The following NAPG variants were observed in gnomAD, a reference collection of about 807,000 sequenced individuals.
The protein encoded by NAPG is NSF attachment protein gamma, also known as gamma-soluble NSF attachment protein.
Under a neutral mutation model 48.4 loss-of-function variants are expected in NAPG, and 25 were observed. That is an observed-to-expected ratio of 0.52 (90% CI 0.38 to 0.72). The LOEUF (loss-of-function observed/expected upper bound fraction) is 0.72. NAPG is among the 30% of genes least tolerant of loss of function. NAPG has a pLI of 0.00. For missense variants in NAPG, 359 were observed against 372.5 expected (o/e 0.96, Z 0.30); for synonymous variants, 139 against 127.2 (o/e 1.09, Z -0.62).
chr18:10,530,057 A>G (rs1396079768), intron 1 of NAPG, among the ~76,000 whole-genome samples: 1 of 152,204 alleles, frequency 6.6e-6, no homozygotes, highest in Non-Finnish European at 1.5e-5. Context: ...TAAGTTAAGG[A>G]TTCAAAATTG....
At position 10,534,115 on chromosome 18, in the gene NAPG, C is replaced by G. The variant is rs2031984300; in HGVS notation, c.228-351C>G. ...TGAGCTGAGATCGTGCCTCTGCTCTCCAGCCTGGGCGACACAGCAAGGCTC... is the reference window on the plus strand; with the variant it reads ...TGAGCTGAGATCGTGCCTCTGCTCTGCAGCCTGGGCGACACAGCAAGGCTC... On this transcript the variant is annotated intron_variant, in intron 4 of 11. Transcript: ENST00000322897. This position sits in a 1 kb window ranked among gnomAD's most constrained non-coding sequence, Gnocchi z 5.0. Among the ~76,000 whole-genome samples, 1 of 152,148 alleles carries G rather than the reference C, an allele frequency of 6.6e-6. No individual in the cohort carries two copies. The highest frequency in any genetic ancestry group is 1.5e-5 in the Non-Finnish European group (1 of 68,026).
Position 10,548,456 on chromosome 18 carries a change from A to G in NAPG, c.665+78A>G, listed in dbSNP as rs1042637530. The G allele has an allele frequency of 2.7e-5, 31 of 1,135,272 alleles. No homozygotes were observed. Among genetic ancestry groups the G allele is most frequent in the Middle Eastern group, 2.0e-4 (1 of 4,992 alleles). 70.3% of individuals were successfully genotyped at this position (1,135,272 alleles called of 1,614,324 possible). A position where few individuals can be genotyped will look rare whatever the true frequency, so the allele number is the denominator to read the frequency against. ...ACAACTAAGATTGCTGCTAGGACACATGTTCCTGGCCATGAAACTGTCATT... is the reference window on the plus strand; with the variant it reads ...ACAACTAAGATTGCTGCTAGGACACGTGTTCCTGGCCATGAAACTGTCATT... On this transcript the variant is annotated intron_variant, in intron 10 of 11. Transcript: ENST00000322897. The surrounding 1 kb of genome is among the most constrained non-coding windows in gnomAD (Gnocchi z 4.4).
chr18:10,545,306 C>T (rs58182462), intron 8 of NAPG, among the ~76,000 whole-genome samples: 2,037 of 151,708 alleles, frequency 0.013, 51 homozygotes, highest in African/African-American at 0.047. Context: ...AGTGAGACTC[C>T]GTCTCAAAAA....
Position 10,548,192 on chromosome 18 carries a change from A to G in NAPG, c.586-107A>G, listed in dbSNP as rs1399459963. 1 of 770,328 alleles carries G rather than the reference A, an allele frequency of 1.3e-6. No homozygotes were observed. Among genetic ancestry groups the G allele is most frequent in the Non-Finnish European group, 2.2e-6 (1 of 451,782 alleles). The allele number at this position is 770,328 out of a possible 1,614,324, so 47.7% of individuals were successfully genotyped here. A position where few individuals can be genotyped will look rare whatever the true frequency, so the allele number is the denominator to read the frequency against. ...ATAGCATTTATAAATCTCTGTTTAT[A>G]CAAACAAAGACTCTGAAAGTTAAAC... is the stretch of plus-strand genomic sequence containing the variant. On this transcript the variant is annotated intron_variant, in intron 9 of 11. Coordinates refer to ENST00000322897, the MANE Select transcript of NAPG (RefSeq NM_003826.3). The surrounding 1 kb of genome is among the most constrained non-coding windows in gnomAD (Gnocchi z 4.4).
rs58597079 is a variant in NAPG, at chr18:10,530,188, CTTTTTTTTTTTTTTTTTTTTT to C, written c.57-573_57-553del. ...CTTGTTTATGGGTGGCGAGTTTTCA[CTTTTTTTTTTTTTTTTTTTTT>C]TTTTTTTTGCCTACTTCCTCTGTTG... On this transcript the variant is annotated intron_variant, in intron 1 of 11. Transcript: ENST00000322897. Among the ~76,000 whole-genome samples the C allele has an allele frequency of 6.8e-4, 46 of 67,322 alleles. No homozygotes were observed. In the East Asian group the frequency reaches 0.022, roughly 33 times the overall value. 44.2% of individuals were successfully genotyped at this position (67,322 alleles called of 152,430 possible).
At chr18:10,536,311 CT>C (rs1235156126) in intron 5 of NAPG, among the ~76,000 whole-genome samples, 1 of 152,192 alleles carries the variant, frequency 6.6e-6, no homozygotes, top group Non-Finnish European at 1.5e-5. Context: ...CACAGGACCC[CT>C]GAGCTACGTG....
In NAPG at chr18:10,542,321, A is replaced by G. The variant is rs563529280; in HGVS notation, c.506+1922A>G. On this transcript the variant is annotated intron_variant, in intron 8 of 11. Coordinates refer to ENST00000322897, the MANE Select transcript of NAPG (RefSeq NM_003826.3). The surrounding 1 kb of genome is among the most constrained non-coding windows in gnomAD (Gnocchi z 4.5). Reference sequence around the variant, plus strand: ...TTATGGAAATATATTTTTGAAGTGTATTAACAATATAAAAATTAATTTAAA... The same window carrying G: ...TTATGGAAATATATTTTTGAAGTGTGTTAACAATATAAAAATTAATTTAAA... 6.6e-6 allele frequency among the ~76,000 whole-genome samples: 1 copy of G among 152,062 alleles called. No individual in the cohort carries two copies. Among genetic ancestry groups the G allele is most frequent in the South Asian group, 2.1e-4 (1 of 4,820 alleles).
At chr18:10,526,390 TC>T in intron 1 of NAPG, 2 of 536,412 alleles carry the variant, frequency 3.7e-6, no homozygotes, top group Non-Finnish European at 6.6e-6. Flanking sequence ...GGAAGTCCGC[TC>T]CCCAGAGCCG....
rs779156394 is a variant in NAPG at position 10,549,058 on chromosome 18, G to A, written c.757G>A (p.Val253Ile). Residue 253 changes from valine (V) to isoleucine (I), a missense_variant, in exon 11 of 12, where the codon GTC becomes ATC. Val to Ile is a conservative substitution (Grantham distance 29). Coordinates refer to ENST00000322897, the MANE Select transcript of NAPG (RefSeq NM_003826.3). ...DQQDQDQVSD[V>I]CNSPLFKYMD... ...GCAAGACCAAGATCAGGTGTCAGAT[G>A]TCTGCAACTCACCGCTTTTCAAGTA... is the stretch of plus-strand genomic sequence containing the variant. The A allele has an allele frequency of 6.2e-6, 10 of 1,613,804 alleles. No homozygotes were observed. Among genetic ancestry groups the A allele is most frequent in the African/African-American group, 4.0e-5 (3 of 74,934 alleles).
chr18:10,526,063 A>G lies in NAPG; in HGVS notation c.-40A>G, dbSNP rs762930020. 6 of 1,596,234 alleles carry G rather than the reference A, an allele frequency of 3.8e-6. No individual in the cohort carries two copies. In the African/African-American group the frequency reaches 4.0e-5, roughly 11 times the overall value. On this transcript the variant is annotated 5_prime_UTR_variant, in exon 1 of 12. Transcript: ENST00000322897. ...GATTCTTGGCGCCGGAGGAAGAGGCAGGGTCACCCTCTCTCCACGTCAGAG... is the reference window on the plus strand; with the variant it reads ...GATTCTTGGCGCCGGAGGAAGAGGCGGGGTCACCCTCTCTCCACGTCAGAG...
At position 10,534,389 on chromosome 18, in the gene NAPG, G is replaced by T. The variant is rs918509942; in HGVS notation, c.228-77G>T. 1.6e-6 allele frequency: 2 copies of T among 1,243,960 alleles called. No homozygotes were observed. Among genetic ancestry groups the T allele is most frequent in the East Asian group, 4.7e-5 (2 of 42,858 alleles). The allele number at this position is 1,243,960 out of a possible 1,614,324, so 77.1% of individuals were successfully genotyped here. A position where few individuals can be genotyped will look rare whatever the true frequency, so the allele number is the denominator to read the frequency against. On this transcript the variant is annotated intron_variant, in intron 4 of 11. Coordinates refer to ENST00000322897, the MANE Select transcript of NAPG (RefSeq NM_003826.3). The surrounding 1 kb of genome is among the most constrained non-coding windows in gnomAD (Gnocchi z 5.0). ...GTAATTGAAGTCACTTTCCTTACCA[G>T]TAGTTCCTCACCAGAAAGTTTCTTC... is the stretch of plus-strand genomic sequence containing the variant.
intron 5 of NAPG, among the ~76,000 whole-genome samples, chr18:10,536,630 C>A (rs546320170): frequency 4.6e-5 from 7 of 152,286 alleles, no homozygotes; most frequent in African/African-American, 1.7e-4. Context: ...CTCACAGCCT[C>A]ACTTGATTTT....
chr18:10,529,666 TCA>T (rs1243296934), intron 1 of NAPG, among the ~76,000 whole-genome samples: 1 of 151,764 alleles, frequency 6.6e-6, no homozygotes, highest in Admixed American at 6.6e-5. Context: ...GGCACGAGAG[TCA>T]CTTGAACCTG....
In NAPG at chr18:10,542,798, G is replaced by A. The variant is rs2032182872; in HGVS notation, c.506+2399G>A. ...ATCTCTTGCTTCTCCTTCAGTTTTG[G>A]AGAGTCAAAATTCAGAAGTGATTCG... On this transcript the variant is annotated intron_variant, in intron 8 of 11. Transcript: ENST00000322897. The surrounding 1 kb of genome is among the most constrained non-coding windows in gnomAD (Gnocchi z 4.5). Among the ~76,000 whole-genome samples, 1 of 152,102 alleles carries A rather than the reference G, an allele frequency of 6.6e-6. No homozygotes were observed.
At position 10,548,281 on chromosome 18, in the gene NAPG, T is replaced by C. The variant is rs543745106; in HGVS notation, c.586-18T>C. 1.3e-6 allele frequency: 2 copies of C among 1,583,872 alleles called. No individual in the cohort carries two copies. Among genetic ancestry groups the C allele is most frequent in the Admixed American group, 1.7e-5 (1 of 59,894 alleles). On this transcript the variant is annotated intron_variant, in intron 9 of 11. Coordinates refer to ENST00000322897, the MANE Select transcript of NAPG (RefSeq NM_003826.3). The surrounding 1 kb of genome is among the most constrained non-coding windows in gnomAD (Gnocchi z 4.4). ...TAAACAGATGTAAATTTGACCATGATCCTCTCTTTTGTTTTAGAAAACAAT... is the reference window on the plus strand; with the variant it reads ...TAAACAGATGTAAATTTGACCATGACCCTCTCTTTTGTTTTAGAAAACAAT...
chr18:10,548,204 T>G lies in NAPG; in HGVS notation c.586-95T>G, dbSNP rs2032308084. On this transcript the variant is annotated intron_variant, in intron 9 of 11. Transcript: ENST00000322897. The surrounding 1 kb of genome is among the most constrained non-coding windows in gnomAD (Gnocchi z 4.4). ...AATCTCTGTTTATACAAACAAAGAC[T>G]CTGAAAGTTAAACTCCAGGTGTTTT... 1.2e-6 allele frequency: 1 copy of G among 849,252 alleles called. No individual in the cohort carries two copies. The highest frequency in any genetic ancestry group is 1.5e-5 in the South Asian group (1 of 68,172). The allele number at this position is 849,252 out of a possible 1,614,324, so 52.6% of individuals were successfully genotyped here.
rs1392983906 is a variant in NAPG at position 10,550,472 on chromosome 18, T to C, written c.*252T>C. On this transcript the variant is annotated 3_prime_UTR_variant, in exon 12 of 12. Transcript: ENST00000322897. The stretch of plus-strand genomic sequence containing the variant: ...ATTAACAGAAAATGTACTGTCATGT[T>C]TTAATACATTGATTAAAAAATTTGC... 1 of 324,264 alleles carries C rather than the reference T, an allele frequency of 3.1e-6. No individual in the cohort carries two copies. Among genetic ancestry groups the C allele is most frequent in the African/African-American group, 2.2e-5 (1 of 45,256 alleles). 20.1% of individuals were successfully genotyped at this position (324,264 alleles called of 1,614,324 possible). A position where few individuals can be genotyped will look rare whatever the true frequency, so the allele number is the denominator to read the frequency against.
At chr18:10,547,587 AT>A (rs1199662731) in intron 9 of NAPG, among the ~76,000 whole-genome samples, 1 of 152,190 alleles carries the variant, frequency 6.6e-6, no homozygotes, top group East Asian at 1.9e-4. Context: ...AAATGAACTA[AT>A]TGGGAATTTT....
chr18:10,530,912 C>T (rs2031915597), intron 2 of NAPG, 75 bp downstream of exon 2: 1 of 1,147,328 alleles, frequency 8.7e-7, no homozygotes, highest in East Asian at 2.8e-5. Flanking sequence ...CACCATAATA[C>T]TTACTCATAT....
Sources: allele counts gnomAD v4.1 joint callset (sites outside exome capture counted in the v4.1 genomes callset), GRCh38; gene constraint gnomAD v4.1.1; non-coding constraint Gnocchi (gnomAD v3.1); transcripts MANE v1.5; gene names NCBI Gene and HGNC (gene_info 2026-07-23, HGNC 2026-07-21).